The following CTNNB1 variants were observed in gnomAD, a reference collection of about 807,000 sequenced individuals.
CTNNB1 encodes the protein catenin beta-1.
Under a neutral mutation model 82.5 loss-of-function variants are expected in CTNNB1, and 6 were observed. The observed-to-expected ratio is 0.07, with a 90% CI of 0.04 to 0.14. The LOEUF (loss-of-function observed/expected upper bound fraction) is 0.14. CTNNB1 is among the 10% of genes least tolerant of loss of function. The probability of loss-of-function intolerance (pLI) is 1.00; values close to 1 mark genes in which losing one functional copy is unlikely to be tolerated. For missense variants in CTNNB1, 529 were observed against 980.4 expected (o/e 0.54, Z 6.15); for synonymous variants, 312 against 329.7 (o/e 0.95, Z 0.58).
intron 1 of CTNNB1, among the ~76,000 whole-genome samples, chr3:41,206,869 A>G (rs567692744): frequency 1.3e-5 from 2 of 152,318 alleles, no homozygotes; most frequent in African/African-American, 4.8e-5. Context: ...CATTGAAAGA[A>G]TGTCCTCAAA....
intron 14 of CTNNB1, among the ~76,000 whole-genome samples, chr3:41,238,682 T>G (rs896185887): frequency 1.3e-5 from 2 of 152,216 alleles, no homozygotes; most frequent in African/African-American, 4.8e-5. Context: ...GTGCCTTTCC[T>G]TAGTACTTTT....
chr3:41,202,789 C>T (rs1038190937), intron 1 of CTNNB1, among the ~76,000 whole-genome samples: 3 of 151,900 alleles, frequency 2.0e-5, no homozygotes, highest in African/African-American at 7.3e-5. Context: ...TAGGAGTTAA[C>T]TCCTATAGTT....
chr3:41,207,353 G>T (rs995994549), intron 1 of CTNNB1, among the ~76,000 whole-genome samples: 1 of 152,054 alleles, frequency 6.6e-6, no homozygotes, highest in South Asian at 2.1e-4. Context: ...ATGCTAAAGG[G>T]CCTCAGGTTT....
At chr3:41,218,763 C>T (rs1214152268) in intron 1 of CTNNB1, among the ~76,000 whole-genome samples, 1 of 152,128 alleles carries the variant, frequency 6.6e-6, no homozygotes. Context: ...CACCATGTTG[C>T]CCAGGCTGGT....
In CTNNB1 at chr3:41,236,720, G is replaced by A. The variant is rs2125647578; in HGVS notation, c.2076+11G>A. ...ATGGCTTGGAATGAGGTAGGGAAAT[G>A]TGAGCAGTTATTTATCTGGTAGTTT... On this transcript the variant is annotated intron_variant, in intron 13 of 14. Transcript: ENST00000349496. The A allele has an allele frequency of 6.2e-7, 1 of 1,614,038 alleles. No individual in the cohort carries two copies. Among genetic ancestry groups the A allele is most frequent in the Non-Finnish European group, 8.5e-7 (1 of 1,179,936 alleles).
chr3:41,236,764 G>T (rs2125647818), intron 13 of CTNNB1, 55 bp downstream of exon 13: 2 of 1,610,740 alleles, frequency 1.2e-6, no homozygotes, highest in East Asian at 4.5e-5. Context: ...AGGTATGGCA[G>T]CTTGTTCTTT....
chr3:41,237,164 A>T (rs11564472), intron 13 of CTNNB1: 2 of 230,354 alleles, frequency 8.7e-6, no homozygotes, highest in South Asian at 1.3e-4. Flanking sequence ...AAACTAGAAC[A>T]TCCTGATATT....
intron 7 of CTNNB1, among the ~76,000 whole-genome samples, chr3:41,229,737 A>G (rs895195946): frequency 2.0e-5 from 3 of 152,126 alleles, no homozygotes; most frequent in Admixed American, 2.0e-4. Flanking sequence ...CAGTGAATAG[A>G]TGTCGTCTAA....
chr3:41,217,640 T>C (rs747856340), intron 1 of CTNNB1, among the ~76,000 whole-genome samples: 4 of 152,242 alleles, frequency 2.6e-5, no homozygotes, highest in Non-Finnish European at 5.9e-5. Context: ...AGTTACACTT[T>C]AATGGATAGT....
intron 6 of CTNNB1, among the ~76,000 whole-genome samples, chr3:41,226,432 C>G (rs2078177696): frequency 6.6e-6 from 1 of 152,102 alleles, no homozygotes; most frequent in Non-Finnish European, 1.5e-5. Flanking sequence ...TCAAGGAGAC[C>G]TCTTGGAGGA....
At chr3:41,209,961 G>T (rs1262619588) in intron 1 of CTNNB1, among the ~76,000 whole-genome samples, 1 of 151,998 alleles carries the variant, frequency 6.6e-6, no homozygotes, top group East Asian at 1.9e-4. Flanking sequence ...GGTTTTAAAA[G>T]ACTTTTTTCT....
chr3:41,234,223 G>A lies in CTNNB1; in HGVS notation c.1609G>A (p.Val537Ile), dbSNP rs2078378536. The A allele has an allele frequency of 4.3e-6, 7 of 1,614,184 alleles. No homozygotes were observed. Among genetic ancestry groups the A allele is most frequent in the Non-Finnish European group, 5.9e-6 (7 of 1,180,036 alleles). Residue 537 changes from valine (V) to isoleucine (I), a missense_variant, in exon 10 of 15, where the codon GTT (valine) becomes ATT (isoleucine). Coordinates refer to ENST00000349496, the MANE Select transcript of CTNNB1 (RefSeq NM_001904.4). ...TGAGCAGGGTGCCATTCCACGACTAGTTCAGTTGCTTGTTCGTGCACATCA... is the reference window on the plus strand; with the variant it reads ...TGAGCAGGGTGCCATTCCACGACTAATTCAGTTGCTTGTTCGTGCACATCA... The part of the protein sequence containing the change: ...LREQGAIPRL[V>I]QLLVRAHQDT...
At chr3:41,223,362 C>T (rs539256997) in intron 1 of CTNNB1, among the ~76,000 whole-genome samples, 14 of 151,832 alleles carry the variant, frequency 9.2e-5, no homozygotes, top group African/African-American at 3.4e-4. Context: ...AAATATGTAT[C>T]CATATTGGTA....
Position 41,224,810 on chromosome 3 carries a change from A to G in CTNNB1, c.241+57A>G, listed in dbSNP as rs183594226. Reference sequence around the variant, plus strand: ...AAGTCAGAATGCAGTTTTGAGAACTAAAAAGTTAGTGTATAATAGTTTAAA... The same window carrying G: ...AAGTCAGAATGCAGTTTTGAGAACTGAAAAGTTAGTGTATAATAGTTTAAA... On this transcript the variant is annotated intron_variant, in intron 3 of 14. Coordinates refer to ENST00000349496, the MANE Select transcript of CTNNB1 (RefSeq NM_001904.4). 167 of 1,594,766 alleles carry G rather than the reference A, an allele frequency of 1.0e-4. No homozygotes were observed. In the East Asian group the frequency reaches 2.7e-3, roughly 26 times the overall value.
At chr3:41,235,289 C>T (rs975371042) in intron 10 of CTNNB1, 10 of 211,512 alleles carry the variant, frequency 4.7e-5, no homozygotes, top group African/African-American at 9.3e-5. Flanking sequence ...GCTGGCAACT[C>T]GGTTAGTTTT....
In CTNNB1 at chr3:41,211,985, A is replaced by C. The variant is rs529840986; in HGVS notation, c.-48-12036A>C. ...AGGGCTTACCATTTCATTCAGTAAA[A>C]GCTCAAGCTCCTGTATAGTCAGACC... is the stretch of plus-strand genomic sequence containing the variant. On this transcript the variant is annotated intron_variant, in intron 1 of 14. Transcript: ENST00000349496. Among the ~76,000 whole-genome samples the C allele has an allele frequency of 4.6e-5, 7 of 152,308 alleles. No homozygotes were observed. In the South Asian group the frequency reaches 1.0e-3, roughly 23 times the overall value.
At chr3:41,218,298 C>CT (rs2077959458) in intron 1 of CTNNB1, among the ~76,000 whole-genome samples, 1 of 152,070 alleles carries the variant, frequency 6.6e-6, no homozygotes, top group South Asian at 2.1e-4. Flanking sequence ...TTACCCATTT[C>CT]TTTCCTAATA....
At chr3:41,215,829 A>G (rs1255478309) in intron 1 of CTNNB1, among the ~76,000 whole-genome samples, 2 of 152,332 alleles carry the variant, frequency 1.3e-5, no homozygotes, top group East Asian at 1.9e-4. Flanking sequence ...TGGCATATCT[A>G]GTACTGTCTA....
intron 1 of CTNNB1, among the ~76,000 whole-genome samples, chr3:41,218,564 TTTCTG>T (rs2125606894): frequency 6.6e-6 from 1 of 152,320 alleles, no homozygotes; most frequent in Admixed American, 6.5e-5. Context: ...TAAGAGTTGT[TTTCTG>T]TTCAGCCTTA....
Sources: allele counts gnomAD v4.1 joint callset (sites outside exome capture counted in the v4.1 genomes callset), GRCh38; gene constraint gnomAD v4.1.1; transcripts MANE v1.5; gene names NCBI Gene and HGNC (gene_info 2026-07-23, HGNC 2026-07-21).